ASAP2: variants seen among roughly 807,000 people sequenced by gnomAD.
The protein encoded by ASAP2 is arf-GAP with SH3 domain, ANK repeat and PH domain-containing protein 2.
A neutral mutation model predicts 131.4 loss-of-function variants in ASAP2; 45 were observed. The ratio of observed to expected loss-of-function variants is 0.34; its 90% CI spans 0.27 to 0.44. The LOEUF (loss-of-function observed/expected upper bound fraction) is 0.44. ASAP2 is among the 20% of genes least tolerant of loss of function. The probability of loss-of-function intolerance (pLI) is 1.00; values close to 1 mark genes in which losing one functional copy is unlikely to be tolerated. For missense variants in ASAP2, 1,011 were observed against 1,297.0 expected, an observed-to-expected ratio of 0.78 and a Z score of 3.39; for synonymous variants, 510 against 503.0, an observed-to-expected ratio of 1.01 and a Z score of -0.19.
At chr2:9,296,548 AAAC>A (rs1252582357) in intron 2 of ASAP2, among the ~76,000 whole-genome samples, 1 of 152,274 alleles carries the variant, frequency 6.6e-6, no homozygotes, top group Non-Finnish European at 1.5e-5. Flanking sequence ...TTTTCTGCTC[AAAC>A]AACATGTGTG....
intron 1 of ASAP2, among the ~76,000 whole-genome samples, chr2:9,271,017 TCTCGTGAC>T (rs757967045): frequency 1.3e-4 from 19 of 151,742 alleles, no homozygotes; most frequent in Non-Finnish European, 2.7e-4. Context: ...ATAGTCTCGA[TCTCGTGAC>T]CTCGTGATCC....
At chr2:9,258,334 TG>T (rs35473125) in intron 1 of ASAP2, among the ~76,000 whole-genome samples, 4,964 of 94,586 alleles carry the variant, frequency 0.052, 178 homozygotes, top group African/African-American at 0.073. Context: ...AATCAGTAGT[TG>T]TTTTTTTTTT....
At chr2:9,353,606 C>G (rs1672495096) in intron 12 of ASAP2, among the ~76,000 whole-genome samples, 1 of 151,864 alleles carries the variant, frequency 6.6e-6, no homozygotes, top group Non-Finnish European at 1.5e-5. Context: ...GAGGCACATG[C>G]ATTGAGGCAG....
At chr2:9,297,231 G>A (rs945030764) in intron 2 of ASAP2, 69 bp from the exon 3 acceptor site, 59 of 1,582,066 alleles carry the variant, frequency 3.7e-5, no homozygotes, top group East Asian at 9.0e-5. Context: ...ATTCACAACC[G>A]AGAAGAACCT....
intron 1 of ASAP2, among the ~76,000 whole-genome samples, chr2:9,246,212 G>A (rs1296578234): frequency 6.6e-6 from 1 of 152,200 alleles, no homozygotes. Context: ...ATTTAAAACA[G>A]GTGGACGGAA....
In ASAP2 at chr2:9,404,887, T is replaced by G. The variant is rs1299678209; in HGVS notation, c.*1560T>G. On this transcript the variant is annotated 3_prime_UTR_variant, in exon 28 of 28. Transcript: ENST00000281419. ...TTATATCTGTAGTTTTTTGTTTTTG[T>G]TTTTTTTTAAAGCACTACATCTGTT... The G allele has an allele frequency of 6.6e-6, 1 of 151,648 alleles. No individual in the cohort carries two copies. The highest frequency in any genetic ancestry group is 2.4e-5 in the African/African-American group (1 of 41,202). The allele number at this position is 151,648 out of a possible 1,614,324, so 9.4% of individuals were successfully genotyped here.
chr2:9,334,201 G>T (rs1356195753), intron 7 of ASAP2, among the ~76,000 whole-genome samples: 29 of 129,470 alleles, frequency 2.2e-4, no homozygotes, highest in African/African-American at 5.0e-4. Flanking sequence ...TTTTGTATTT[G>T]TTTTTTTTTT....
chr2:9,340,212 G>C (rs58279098), intron 9 of ASAP2, among the ~76,000 whole-genome samples: 2 of 152,226 alleles, frequency 1.3e-5, no homozygotes, highest in Middle Eastern at 6.8e-3. Flanking sequence ...TAGTAGAGAC[G>C]GGGTTTCACC....
In ASAP2 at chr2:9,382,252, G is replaced by T. The variant is rs183971999; in HGVS notation, c.2016+1444G>T. Among the ~76,000 whole-genome samples the T allele has an allele frequency of 8.0e-4, 122 of 152,288 alleles. 1 individual carries two copies. The highest frequency in any genetic ancestry group is 2.8e-3 in the African/African-American group (116 of 41,568). ...ACCCGCCTTGGCCTCCCAAAGTGCT[G>T]GGATTATAGGCGTGAGCCACCACAC... On this transcript the variant is annotated intron_variant, in intron 20 of 27. Transcript: ENST00000281419.
At chr2:9,293,563 T>C (rs1248114529) in intron 2 of ASAP2, among the ~76,000 whole-genome samples, 2 of 152,218 alleles carry the variant, frequency 1.3e-5, no homozygotes, top group Non-Finnish European at 2.9e-5. Context: ...AAGGTTGTTT[T>C]TGGCAAAAGA....
chr2:9,243,338 GACCTCGTGATCCACCC>G (rs1664109870), intron 1 of ASAP2, among the ~76,000 whole-genome samples: 1 of 152,160 alleles, frequency 6.6e-6, no homozygotes, highest in Non-Finnish European at 1.5e-5. Context: ...TCGATCTCCT[GACCTCGTGATCCACCC>G]ACCTCGGCCT....
At chr2:9,390,559 T>C (rs922370035) in intron 22 of ASAP2, among the ~76,000 whole-genome samples, 1 of 152,154 alleles carries the variant, frequency 6.6e-6, no homozygotes, top group African/African-American at 2.4e-5. Flanking sequence ...AGAAATATGT[T>C]TGCGGGAGGG....
chr2:9,304,632 A>G lies in ASAP2; in HGVS notation c.345+7187A>G, dbSNP rs529160882. Among the ~76,000 whole-genome samples the G allele has an allele frequency of 3.4e-4, 50 of 145,832 alleles. 1 individual carries two copies. In the East Asian group the frequency reaches 9.3e-3, roughly 27 times the overall value. On this transcript the variant is annotated intron_variant, in intron 3 of 27. Coordinates refer to ENST00000281419, the MANE Select transcript of ASAP2 (RefSeq NM_003887.3). The stretch of plus-strand genomic sequence containing the variant: ...GGTGGAGAGGCTGGAGTAGTGGAGT[A>G]TAGATATTGGTGGAGGGGTTGTAGT...
At chr2:9,297,775 A>G (rs1558306999) in intron 3 of ASAP2, among the ~76,000 whole-genome samples, 1 of 152,146 alleles carries the variant, frequency 6.6e-6, no homozygotes, top group Non-Finnish European at 1.5e-5. Context: ...TCTGGTAATT[A>G]TAGTAGGCAT....
intron 17 of ASAP2, 79 bp from the exon 18 acceptor site, chr2:9,376,829 G>A (rs1674435782): frequency 3.1e-6 from 4 of 1,276,478 alleles, no homozygotes; most frequent in African/African-American, 1.5e-5. Context: ...TGGAAGAGTT[G>A]TACACGATTT....
chr2:9,364,982 C>A (rs890418093), intron 15 of ASAP2, among the ~76,000 whole-genome samples: 11 of 151,198 alleles, frequency 7.3e-5, no homozygotes, highest in Non-Finnish European at 1.3e-4. Flanking sequence ...GTGTTTTAGC[C>A]TTTTTTTTTA....
At chr2:9,375,089 G>C (rs1674291348) in intron 17 of ASAP2, 145 bp downstream of exon 17, 1 of 519,208 alleles carries the variant, frequency 1.9e-6, no homozygotes. Context: ...GGGCACCATA[G>C]GGAGGCCCCA....
At chr2:9,353,659 G>T (rs915922990) in intron 12 of ASAP2, among the ~76,000 whole-genome samples, 9 of 152,296 alleles carry the variant, frequency 5.9e-5, no homozygotes, top group Non-Finnish European at 7.4e-5. Flanking sequence ...GCACTCCATG[G>T]TCACCCATTC....
At chr2:9,387,935 A>G (rs991290561) in intron 21 of ASAP2, among the ~76,000 whole-genome samples, 3 of 152,240 alleles carry the variant, frequency 2.0e-5, no homozygotes, top group Non-Finnish European at 4.4e-5. Flanking sequence ...ACTGCCTTAT[A>G]AAACCATTAG....
Sources: allele counts gnomAD v4.1 joint callset (sites outside exome capture counted in the v4.1 genomes callset), GRCh38; gene constraint gnomAD v4.1.1; transcripts MANE v1.5; gene names NCBI Gene and HGNC (gene_info 2026-07-23, HGNC 2026-07-21).